TMEM181: variants seen among roughly 807,000 people sequenced by gnomAD.
TMEM181 encodes G protein-coupled receptor 178.
Under a neutral mutation model 71.9 loss-of-function variants are expected in TMEM181, and 39 were observed. That is an observed-to-expected ratio of 0.54 (90% CI 0.42 to 0.71). The LOEUF (loss-of-function observed/expected upper bound fraction) is 0.71, where lower values mean the gene tolerates loss of function less well. Ranked by LOEUF, TMEM181 falls within the 30% of genes least tolerant of loss-of-function variation. The pLI, the probability that TMEM181 is intolerant of heterozygous loss-of-function variation, is 0.00. For synonymous variants in TMEM181, 245 were observed against 228.8 expected, an observed-to-expected ratio of 1.07 and a Z score of -0.64; for missense variants, 595 against 583.0, an observed-to-expected ratio of 1.02 and a Z score of -0.21.
At chr6:158,565,738 G>C (rs771100404) in intron 1 of TMEM181, among the ~76,000 whole-genome samples, 1 of 152,212 alleles carries the variant, frequency 6.6e-6, no homozygotes, top group African/African-American at 2.4e-5. Context: ...CTGCAGGTGT[G>C]GGGAGGGTGT....
chr6:158,575,134 T>C (rs1019694132), intron 2 of TMEM181, among the ~76,000 whole-genome samples: 2 of 152,166 alleles, frequency 1.3e-5, no homozygotes, highest in Non-Finnish European at 2.9e-5. Flanking sequence ...ACAGACACAA[T>C]AGAATAATGT....
At chr6:158,595,010 A>G (rs182863408) in intron 6 of TMEM181, among the ~76,000 whole-genome samples, 188 of 152,344 alleles carry the variant, frequency 1.2e-3, no homozygotes, top group African/African-American at 4.4e-3. Flanking sequence ...GTAAATATCA[A>G]AAAGCAAAAA....
intron 5 of TMEM181, among the ~76,000 whole-genome samples, chr6:158,586,631 C>G (rs1245424103): frequency 6.6e-6 from 1 of 151,972 alleles, no homozygotes; most frequent in African/African-American, 2.4e-5. Flanking sequence ...GATACATATA[C>G]TGGCACTGTT....
At chr6:158,629,590 G>A (rs1024888894) in intron 14 of TMEM181, 140 bp from the exon 15 acceptor site, 8 of 670,338 alleles carry the variant, frequency 1.2e-5, no homozygotes, top group Non-Finnish European at 1.6e-5. Context: ...GAGTCCTGAC[G>A]TCTGGGTAAT....
chr6:158,556,510 A>C (rs189361526), upstream of TMEM181, among the ~76,000 whole-genome samples: 1 of 152,324 alleles, frequency 6.6e-6, no homozygotes, highest in East Asian at 1.9e-4. Context: ...GAAGGTTTTT[A>C]AAGGAACAAT....
At chr6:158,547,965 C>T (rs1781589782) in intron 1 of TMEM181, among the ~76,000 whole-genome samples, 1 of 151,802 alleles carries the variant, frequency 6.6e-6, no homozygotes, top group Non-Finnish European at 1.5e-5. Context: ...AGTTCCCAGC[C>T]TCTGCCCCTT....
chr6:158,607,272 T>C lies in TMEM181; in HGVS notation c.602T>C (p.Phe201Ser), dbSNP rs1785005215. The part of the protein sequence containing the change: ...TCLFAHSLRK[F>S]SMRDWGIEQK... The stretch of plus-strand genomic sequence containing the variant: ...CTGTTTGCGCATTCCCTCCGGAAAT[T>C]TTCCATGAGAGACTGGGGCATCGAG... The change falls in exon 8 of 17, where the codon TTT becomes TCT. Residue 201 changes from phenylalanine (F) to serine (S), a missense_variant. Coordinates refer to ENST00000684151, the MANE Select transcript of TMEM181 (RefSeq NM_001376852.1). 6.2e-7 allele frequency: 1 copy of C among 1,614,142 alleles called. No individual in the cohort carries two copies. Among genetic ancestry groups the C allele is most frequent in the Non-Finnish European group, 8.5e-7 (1 of 1,180,024 alleles).
chr6:158,567,358 A>G (rs1002910048), intron 1 of TMEM181, among the ~76,000 whole-genome samples: 4 of 152,234 alleles, frequency 2.6e-5, no homozygotes, highest in African/African-American at 9.6e-5. Flanking sequence ...TTGAGGGAAC[A>G]ACACAAACGC....
chr6:158,618,538 A>G (rs574866473), intron 10 of TMEM181, among the ~76,000 whole-genome samples: 1 of 152,272 alleles, frequency 6.6e-6, no homozygotes, highest in South Asian at 2.1e-4. Context: ...TGCCATTATG[A>G]TATTAGCTGG....
At chr6:158,611,374 T>G (rs1323090548) in intron 10 of TMEM181, 2 of 532,618 alleles carry the variant, frequency 3.8e-6, no homozygotes, top group African/African-American at 3.9e-5. Flanking sequence ...CGGCATTGAT[T>G]TCCCTGGATG....
At chr6:158,559,511 C>G (rs1260177472), upstream of TMEM181, among the ~76,000 whole-genome samples, 1 of 152,170 alleles carries the variant, frequency 6.6e-6, no homozygotes, top group Admixed American at 6.5e-5. Flanking sequence ...CTCATCCATT[C>G]TTGATTACAG....
intron 1 of TMEM181, among the ~76,000 whole-genome samples, chr6:158,544,104 G>A (rs1359218393): frequency 6.6e-6 from 1 of 151,856 alleles, no homozygotes; most frequent in South Asian, 2.1e-4. Flanking sequence ...GGGTGGCTCC[G>A]TCTCCCCGGC....
upstream of TMEM181, among the ~76,000 whole-genome samples, chr6:158,555,776 T>C (rs1283508380): frequency 1.3e-5 from 2 of 152,204 alleles, no homozygotes; most frequent in Non-Finnish European, 2.9e-5. Context: ...GGAAACCCTA[T>C]AAATTCTGTC....
intron 6 of TMEM181, among the ~76,000 whole-genome samples, chr6:158,593,214 T>C (rs1193320714): frequency 6.6e-6 from 1 of 152,238 alleles, no homozygotes; most frequent in Admixed American, 6.5e-5. Context: ...TCTGGTTAAA[T>C]AAATTAGTTC....
chr6:158,561,009 G>A (rs576672074), intron 1 of TMEM181, among the ~76,000 whole-genome samples: 1 of 152,196 alleles, frequency 6.6e-6, no homozygotes, highest in East Asian at 1.9e-4. Context: ...CAGAAAGTCC[G>A]GGAGAAGGAG....
chr6:158,581,838 T>G (rs1180288939), intron 3 of TMEM181, among the ~76,000 whole-genome samples: 1 of 151,796 alleles, frequency 6.6e-6, no homozygotes, highest in Non-Finnish European at 1.5e-5. Flanking sequence ...AATTTTGGTT[T>G]CCTTGAATAA....
At chr6:158,617,134 G>A (rs185014402) in intron 10 of TMEM181, among the ~76,000 whole-genome samples, 28 of 152,284 alleles carry the variant, frequency 1.8e-4, no homozygotes, top group African/African-American at 6.7e-4. Context: ...TCGTTGGTAA[G>A]CTATTAATTA....
At chr6:158,574,425 T>TA (rs1300517965) in intron 2 of TMEM181, among the ~76,000 whole-genome samples, 1 of 152,170 alleles carries the variant, frequency 6.6e-6, no homozygotes, top group African/African-American at 2.4e-5. Flanking sequence ...CAGCACAAGA[T>TA]ATATCCATGA....
intron 1 of TMEM181, among the ~76,000 whole-genome samples, chr6:158,540,641 C>T (rs142348987): frequency 4.8e-4 from 73 of 152,258 alleles, no homozygotes; most frequent in African/African-American, 1.5e-3. Context: ...CTTAGCTGGG[C>T]GTGGTGGTGC....
Sources: allele counts gnomAD v4.1 joint callset (sites outside exome capture counted in the v4.1 genomes callset), GRCh38; gene constraint gnomAD v4.1.1; transcripts MANE v1.5; gene names NCBI Gene and HGNC (gene_info 2026-07-23, HGNC 2026-07-21).